PRKCE: variants seen among roughly 807,000 people sequenced by gnomAD.
PRKCE encodes protein kinase C epsilon.
PRKCE carries 16 observed loss-of-function variants against 85.4 expected under a neutral mutation model. The ratio of observed to expected loss-of-function variants is 0.19; its 90% CI spans 0.13 to 0.28. The LOEUF is 0.28. PRKCE is among the 10% of genes least tolerant of loss of function. The pLI is 1.00. For missense variants in PRKCE, 573 were observed against 975.2 expected (o/e 0.59, Z 5.49); for synonymous variants, 388 against 371.5 (o/e 1.04, Z -0.51).
intron 9 of PRKCE, among the ~76,000 whole-genome samples, chr2:46,008,945 C>T (rs1052907421): frequency 4.6e-5 from 7 of 152,210 alleles, no homozygotes; most frequent in Admixed American, 1.3e-4. Flanking sequence ...AATACGCGGG[C>T]GACAAAAAGT....
At chr2:45,687,867 A>G (rs942802146) in intron 1 of PRKCE, among the ~76,000 whole-genome samples, 2 of 152,246 alleles carry the variant, frequency 1.3e-5, no homozygotes, top group African/African-American at 2.4e-5. Flanking sequence ...CAGCCCAGGT[A>G]TTAGGTTCTC....
intron 2 of PRKCE, among the ~76,000 whole-genome samples, chr2:45,899,879 C>A (rs1013628050): frequency 1.3e-5 from 2 of 152,158 alleles, no homozygotes; most frequent in Non-Finnish European, 2.9e-5. Flanking sequence ...CTTTTCATTT[C>A]TTGGTTATAT....
At chr2:45,961,840 C>T (rs1701402048) in intron 2 of PRKCE, among the ~76,000 whole-genome samples, 1 of 152,142 alleles carries the variant, frequency 6.6e-6, no homozygotes, top group South Asian at 2.1e-4. Context: ...GGATTACAGG[C>T]ATGTGCCGCG....
chr2:46,091,768 C>T (rs1246512161), intron 11 of PRKCE, among the ~76,000 whole-genome samples: 1 of 152,296 alleles, frequency 6.6e-6, no homozygotes, highest in Admixed American at 6.5e-5. Flanking sequence ...CAGTCACATA[C>T]CTCGAATTTA....
intron 10 of PRKCE, among the ~76,000 whole-genome samples, chr2:46,029,997 C>T (rs1202563597): frequency 6.6e-6 from 1 of 152,108 alleles, no homozygotes; most frequent in Non-Finnish European, 1.5e-5. Flanking sequence ...AACCCACCCG[C>T]AAAACATGGC....
chr2:45,957,908 T>A (rs1478196990), intron 2 of PRKCE, among the ~76,000 whole-genome samples: 3 of 138,360 alleles, frequency 2.2e-5, no homozygotes, highest in African/African-American at 8.3e-5. Flanking sequence ...AGAGCGAGAC[T>A]GTGTCTCTAT....
intron 1 of PRKCE, among the ~76,000 whole-genome samples, chr2:45,751,868 A>G (rs1288958435): frequency 9.1e-6 from 1 of 110,200 alleles, no homozygotes; most frequent in Non-Finnish European, 1.7e-5. Flanking sequence ...CCCAGGCTGG[A>G]GTGCAGTGGC....
At chr2:46,154,612 G>A (rs1677017599) in intron 13 of PRKCE, among the ~76,000 whole-genome samples, 1 of 151,912 alleles carries the variant, frequency 6.6e-6, no homozygotes, top group Non-Finnish European at 1.5e-5. Flanking sequence ...CGCCCTCTGG[G>A]ACTGGGTCTC....
At chr2:45,857,718 AT>A (rs34814737) in intron 2 of PRKCE, among the ~76,000 whole-genome samples, 60 of 146,534 alleles carry the variant, frequency 4.1e-4, no homozygotes, top group East Asian at 1.4e-3. Context: ...CAGCATTTTG[AT>A]TTTTTTTTTT....
intron 1 of PRKCE, among the ~76,000 whole-genome samples, chr2:45,702,230 T>C (rs961935851): frequency 6.6e-6 from 1 of 152,146 alleles, no homozygotes; most frequent in African/African-American, 2.4e-5. Flanking sequence ...AGATGACTTA[T>C]GCACTTGAAA....
intron 10 of PRKCE, among the ~76,000 whole-genome samples, chr2:46,034,218 A>G (rs1707714918): frequency 2.0e-5 from 3 of 152,214 alleles, no homozygotes; most frequent in Admixed American, 2.0e-4. Context: ...TAAAGTAGTT[A>G]CAGATTTTCC....
chr2:45,876,834 T>C (rs1694518323), intron 2 of PRKCE, among the ~76,000 whole-genome samples: 1 of 152,250 alleles, frequency 6.6e-6, no homozygotes. Flanking sequence ...TCTATTTACA[T>C]TTAATGTAAT....
chr2:46,073,894 A>T (rs1003096861), intron 10 of PRKCE: 10 of 152,082 alleles, frequency 6.6e-5, no homozygotes, highest in African/African-American at 2.4e-4. Context: ...TGCTGCACAG[A>T]CCACGCTATG....
intron 4 of PRKCE, 30 bp from the exon 5 acceptor site, chr2:45,980,266 A>G (rs751160316): frequency 1.3e-6 from 2 of 1,596,518 alleles, no homozygotes; most frequent in Admixed American, 3.3e-5. Flanking sequence ...CCTGAGTGTC[A>G]TTCAGCCTTC....
intron 2 of PRKCE, among the ~76,000 whole-genome samples, chr2:45,885,002 T>TATATTTTTTTTG (rs1553440407): frequency 2.0e-5 from 2 of 97,642 alleles, no homozygotes; most frequent in Non-Finnish European, 4.2e-5. Context: ...TATATATATA[T>TATATTTTTTTTG]TTGTTGTTGT....
chr2:45,980,244 G>T (rs1353401026), intron 4 of PRKCE, 52 bp from the exon 5 acceptor site: 3 of 1,562,684 alleles, frequency 1.9e-6, no homozygotes, highest in African/African-American at 2.7e-5. Flanking sequence ...TCCTGGGAGG[G>T]ACACTCCCTT....
At chr2:46,053,305 TAAAA>T (rs200835636) in intron 10 of PRKCE, among the ~76,000 whole-genome samples, 3 of 151,874 alleles carry the variant, frequency 2.0e-5, no homozygotes, top group African/African-American at 7.3e-5. Flanking sequence ...TACTTTTTAA[TAAAA>T]AAAAGTTACT....
chr2:45,899,803 T>C (rs1296663061), intron 2 of PRKCE, among the ~76,000 whole-genome samples: 1 of 152,186 alleles, frequency 6.6e-6, no homozygotes, highest in Non-Finnish European at 1.5e-5. Context: ...CACTTGCTGT[T>C]GACCAGGGCA....
chr2:46,134,368 C>T (rs1288549955), intron 11 of PRKCE, among the ~76,000 whole-genome samples: 17 of 152,160 alleles, frequency 1.1e-4, no homozygotes, highest in Non-Finnish European at 5.9e-5. Flanking sequence ...CATCATCATA[C>T]ACTCTCCTGA....
Sources: gnomAD v4.1 joint callset for allele counts (sites outside exome capture counted in the v4.1 genomes callset) on GRCh38, gnomAD v4.1.1 for gene constraint, MANE v1.5 for transcripts, NCBI Gene and HGNC (gene_info 2026-07-23, HGNC 2026-07-21) for gene names.